The following WWP2 variants were observed in gnomAD, a reference collection of about 807,000 sequenced individuals.
The protein encoded by WWP2 is NEDD4-like E3 ubiquitin-protein ligase WWP2.
WWP2 carries 57 observed loss-of-function variants against 121.0 expected under a neutral mutation model. The ratio of observed to expected loss-of-function variants is 0.47; its 90% CI spans 0.38 to 0.59. The LOEUF (loss-of-function observed/expected upper bound fraction) is 0.59. Ranked by LOEUF, WWP2 falls within the 20% of genes least tolerant of loss-of-function variation. The pLI is 0.00. For missense variants in WWP2, 962 were observed against 1,158.9 expected (o/e 0.83, Z 2.47); for synonymous variants, 449 against 441.3 (o/e 1.02, Z -0.22).
At chr16:69,784,637 C>T (rs1050138790) in intron 1 of WWP2, among the ~76,000 whole-genome samples, 4 of 152,112 alleles carry the variant, frequency 2.6e-5, no homozygotes, top group African/African-American at 9.7e-5. Context: ...AGTCTTGACT[C>T]CTGAGCACGT....
rs1440712345 is a variant in WWP2, at chr16:69,922,764, G to C, written c.1180-2666G>C. On this transcript the variant is annotated intron_variant, in intron 10 of 23. Coordinates refer to ENST00000359154, the MANE Select transcript of WWP2 (RefSeq NM_001270454.2). ...TTTTCAAGTTGTACTGCGTACCTTA[G>C]GGAAGAAGTATCCAAAATCGTCAAG... is the stretch of plus-strand genomic sequence containing the variant. Among the ~76,000 whole-genome samples the C allele has an allele frequency of 3.9e-5, 6 of 152,190 alleles. No homozygotes were observed. In the East Asian group the frequency reaches 9.6e-4, roughly 24 times the overall value.
At chr16:69,893,361 A>G (rs1327330085) in intron 8 of WWP2, among the ~76,000 whole-genome samples, 4 of 152,054 alleles carry the variant, frequency 2.6e-5, no homozygotes, top group Non-Finnish European at 4.4e-5. Context: ...GTGCTTTTAA[A>G]TGCCATCTTT....
rs773906271 is a variant in WWP2 at position 69,937,702 on chromosome 16, AGGAAACG to A, written c.2343+53_2343+59del. On this transcript the variant is annotated intron_variant, in intron 21 of 23. Coordinates refer to ENST00000359154, the MANE Select transcript of WWP2 (RefSeq NM_001270454.2). The surrounding 1 kb of genome is among the most constrained non-coding windows in gnomAD (Gnocchi z 6.6). ...CAGGGACATTTGGGCCATCAACCAA[AGGAAACG>A]GGTCCTGAGGAGGCCTCACGCGCAA... 4.9e-5 allele frequency: 78 copies of A among 1,592,862 alleles called. No homozygotes were observed. Among genetic ancestry groups the A allele is most frequent in the Non-Finnish European group, 5.9e-5 (69 of 1,163,170 alleles).
At chr16:69,905,065 G>T (rs2058267154) in intron 8 of WWP2, among the ~76,000 whole-genome samples, 1 of 152,150 alleles carries the variant, frequency 6.6e-6, no homozygotes, top group South Asian at 2.1e-4. Context: ...CCCAAATAAG[G>T]CAGACGCCCA....
chr16:69,817,248 C>CTTTGT (rs762819561), intron 4 of WWP2, among the ~76,000 whole-genome samples: 3 of 151,972 alleles, frequency 2.0e-5, no homozygotes, highest in Non-Finnish European at 2.9e-5. Context: ...AATGGGTGTG[C>CTTTGT]TTTGTTTTGT....
In WWP2 at chr16:69,935,708, C is replaced by T. The variant is rs1184875462; in HGVS notation, c.1843-145C>T. On this transcript the variant is annotated intron_variant, in intron 17 of 23. Transcript: ENST00000359154. The surrounding 1 kb of genome is among the most constrained non-coding windows in gnomAD (Gnocchi z 5.2). ...GTTGTTTACTCCTGAGGCCCTCCCG[C>T]TGCGTCCGAGGCAGCTGCTGCTGTA... The T allele has an allele frequency of 1.6e-6, 2 of 1,228,744 alleles. No individual in the cohort carries two copies. The highest frequency in any genetic ancestry group is 2.3e-5 in the Admixed American group (1 of 43,832). 76.1% of individuals were successfully genotyped at this position (1,228,744 alleles called of 1,614,324 possible). A position where few individuals can be genotyped will look rare whatever the true frequency, so the allele number is the denominator to read the frequency against.
chr16:69,841,938 G>A (rs530009447), intron 5 of WWP2, 86 bp from the exon 6 acceptor site: 3 of 1,337,838 alleles, frequency 2.2e-6, no homozygotes, highest in Non-Finnish European at 3.1e-6. Context: ...ACACACAGAC[G>A]GAGTTCTGTT....
chr16:69,919,787 C>CTTT (rs1326246941), intron 10 of WWP2, among the ~76,000 whole-genome samples: 1 of 124,372 alleles, frequency 8.0e-6, no homozygotes, highest in Non-Finnish European at 1.7e-5. Flanking sequence ...GGGTCCCTGA[C>CTTT]TTTTTTTTTT....
At chr16:69,931,072 C>A in intron 13 of WWP2, 80 bp from the exon 14 acceptor site, 2 of 1,380,874 alleles carry the variant, frequency 1.4e-6, no homozygotes, top group Non-Finnish European at 2.0e-6. Context: ...ATAGCACCAG[C>A]TTTCCTTAGG....
At chr16:69,775,290 G>A (rs2055501169) in intron 1 of WWP2, 1 of 152,214 alleles carries the variant, frequency 6.6e-6, no homozygotes, top group South Asian at 2.1e-4. Flanking sequence ...GGGAAGGTCA[G>A]AAAATCTTTC....
chr16:69,928,360 GT>G (rs141764486), intron 11 of WWP2, among the ~76,000 whole-genome samples: 1 of 148,754 alleles, frequency 6.7e-6, no homozygotes, highest in Non-Finnish European at 1.5e-5. Context: ...CTAGTTTTTT[GT>G]TTTTTTTTTC....
intron 16 of WWP2, among the ~76,000 whole-genome samples, chr16:69,933,444 G>A (rs1034678677): frequency 1.3e-5 from 2 of 152,220 alleles, no homozygotes; most frequent in African/African-American, 4.8e-5. Flanking sequence ...TTTCTCATCT[G>A]AAGGCAGCAT....
chr16:69,931,752 C>T, intron 15 of WWP2, 50 bp from the exon 16 acceptor site: 3 of 1,604,344 alleles, frequency 1.9e-6, no homozygotes, highest in Non-Finnish European at 2.6e-6. Flanking sequence ...CCGCCCCTGC[C>T]TGCTGTGGAA....
Position 69,799,166 on chromosome 16 carries a change from T to A in WWP2, c.219-8T>A. 1 of 1,608,644 alleles carries A rather than the reference T, an allele frequency of 6.2e-7. No homozygotes were observed. Among genetic ancestry groups the A allele is most frequent in the East Asian group, 2.2e-5 (1 of 44,834 alleles). ...TTGGATGTAATGAATCAGGTATTTGTTTTTCAGGAATGTCACGGCACAGAG... is the reference window on the plus strand; with the variant it reads ...TTGGATGTAATGAATCAGGTATTTGATTTTCAGGAATGTCACGGCACAGAG... On this transcript the variant is annotated splice_region_variant and splice_polypyrimidine_tract_variant and intron_variant, in intron 3 of 23. Coordinates refer to ENST00000359154, the MANE Select transcript of WWP2 (RefSeq NM_001270454.2). This position sits in a 1 kb window ranked among gnomAD's most constrained non-coding sequence, Gnocchi z 4.5.
intron 8 of WWP2, among the ~76,000 whole-genome samples, chr16:69,897,738 T>G (rs1183029556): frequency 2.6e-5 from 4 of 151,852 alleles, no homozygotes; most frequent in Admixed American, 2.6e-4. Flanking sequence ...TGAAACCCCA[T>G]CTCTACTAAA....
chr16:69,938,490 ACACCTGTAATCCCAG>A (rs2058833105), intron 21 of WWP2, among the ~76,000 whole-genome samples: 2 of 152,188 alleles, frequency 1.3e-5, no homozygotes, highest in Non-Finnish European at 2.9e-5. Context: ...ATGGTGGTGG[ACACCTGTAATCCCAG>A]CTACTCGGGA....
rs1339911152 is a variant in WWP2, at chr16:69,939,078, A to T, written c.2395A>T (p.Thr799Ser). ...GAGGATCCGGCTGCTGCAGTTTGTC[A>T]CCGGTACCTGCCGCCTGCCCGTCGG... ...EKRIRLLQFV[T>S]GTCRLPVGGF... is the part of the protein sequence containing the mutation. The change falls in exon 22 of 24, where the codon ACC becomes TCC. Residue 799 changes from threonine (T) to serine (S), a missense_variant. Around this residue, in one of 3 missense-constraint regions of WWP2, gnomAD observed 606 missense variants for 772.6 expected, o/e 0.78. Coordinates refer to ENST00000359154, the MANE Select transcript of WWP2 (RefSeq NM_001270454.2). 6.2e-7 allele frequency: 1 copy of T among 1,606,954 alleles called. No homozygotes were observed. The highest frequency in any genetic ancestry group is 8.5e-7 in the Non-Finnish European group (1 of 1,176,492).
intron 1 of WWP2, chr16:69,786,088 G>T (rs1356105384): frequency 1.3e-5 from 2 of 150,104 alleles, no homozygotes; most frequent in Non-Finnish European, 3.0e-5. Flanking sequence ...TAGCACACTA[G>T]ATTAGCTGTC....
At chr16:69,813,018 C>T (rs1292237757) in intron 4 of WWP2, among the ~76,000 whole-genome samples, 4 of 152,252 alleles carry the variant, frequency 2.6e-5, no homozygotes, top group Admixed American at 6.5e-5. Flanking sequence ...GAATTCCATC[C>T]TTCCTTCTGC....
Sources: allele counts gnomAD v4.1 joint callset (sites outside exome capture counted in the v4.1 genomes callset), GRCh38; gene constraint gnomAD v4.1.1; regional missense constraint gnomAD v4.1.1; non-coding constraint Gnocchi (gnomAD v3.1); transcripts MANE v1.5; gene names NCBI Gene and HGNC (gene_info 2026-07-23, HGNC 2026-07-21).